FGF10: variants seen among roughly 807,000 people sequenced by gnomAD.
FGF10 encodes the protein FGF-10.
A neutral mutation model predicts 19.8 loss-of-function variants in FGF10; 2 were observed. That is an observed-to-expected ratio of 0.10 (90% CI 0.04 to 0.32). The LOEUF is 0.32. Among genes scored for constraint, FGF10 ranks in the 10% least tolerant of loss-of-function variants. FGF10 has a pLI of 1.00. For synonymous variants in FGF10, 112 were observed against 94.0 expected (o/e 1.19, Z -1.10); for missense variants, 191 against 246.3 (o/e 0.78, Z 1.50).
chr5:44,356,004 G>A (rs534687149), intron 1 of FGF10, among the ~76,000 whole-genome samples: 3 of 151,434 alleles, frequency 2.0e-5, no homozygotes, highest in South Asian at 4.2e-4. Context: ...AATAAATGAT[G>A]GGAATCTAAG....
intron 1 of FGF10, among the ~76,000 whole-genome samples, chr5:44,385,010 C>T (rs556767828): frequency 6.6e-6 from 1 of 152,236 alleles, no homozygotes; most frequent in East Asian, 1.9e-4. Flanking sequence ...GGATACCTAA[C>T]AGCTGTATCC....
intron 1 of FGF10, among the ~76,000 whole-genome samples, chr5:44,377,937 T>A (rs1741903068): frequency 6.6e-6 from 1 of 152,230 alleles, no homozygotes; most frequent in African/African-American, 2.4e-5. Context: ...TTGATGTAGG[T>A]AATCTGTGGT....
Position 44,388,715 on chromosome 5 carries a change from C to A in FGF10, c.-33G>T. 6.2e-7 allele frequency: 1 copy of A among 1,609,752 alleles called. No individual in the cohort carries two copies. Among genetic ancestry groups the A allele is most frequent in the Non-Finnish European group, 8.5e-7 (1 of 1,176,328 alleles). On this transcript the variant is annotated 5_prime_UTR_variant, in exon 1 of 3. An upstream start codon of the reference 5' UTR is lost. Coordinates refer to ENST00000264664, the MANE Select transcript of FGF10 (RefSeq NM_004465.2). The stretch of plus-strand genomic sequence containing the variant: ...AAACTCTCGGCACTGGAAATTGTCT[C>A]ATCAGAAGGAACATACTGGAAGGGT...
chr5:44,359,986 C>G (rs1315860716), intron 1 of FGF10, among the ~76,000 whole-genome samples: 1 of 151,478 alleles, frequency 6.6e-6, no homozygotes, highest in Non-Finnish European at 1.5e-5. Context: ...ACTGAATCAC[C>G]TTGGAATACC....
chr5:44,367,541 T>C (rs1195878412), intron 1 of FGF10, among the ~76,000 whole-genome samples: 7 of 152,068 alleles, frequency 4.6e-5, no homozygotes, highest in African/African-American at 1.7e-4. Context: ...GTTCAAATCC[T>C]AGTCTCATCA....
intron 1 of FGF10, among the ~76,000 whole-genome samples, chr5:44,345,191 A>C (rs1338745646): frequency 6.6e-6 from 1 of 152,028 alleles, no homozygotes; most frequent in African/African-American, 2.4e-5. Flanking sequence ...CTTGACCTTA[A>C]AAATAGTCTT....
At chr5:44,381,339 T>G (rs1741977834) in intron 1 of FGF10, among the ~76,000 whole-genome samples, 1 of 152,190 alleles carries the variant, frequency 6.6e-6, no homozygotes, top group Non-Finnish European at 1.5e-5. Context: ...ACTATCAGCT[T>G]TAGATGCTAC....
rs2111939156 is a variant in FGF10, at chr5:44,388,371, C to T, written c.312G>A (p.Glu104=). The part of the protein sequence containing the change: ...KNGKVSGTKK[E]NCPYSILEIT... ...TTTGTTACTTACTGTACGGGCAGTT[C>T]TCCTTCTTGGTCCCGCTGACCTTCC... Residue 104 remains glutamate (E), a synonymous_variant, in exon 1 of 3, where the codon GAG becomes GAA. Transcript: ENST00000264664. 6.2e-7 allele frequency: 1 copy of T among 1,613,382 alleles called. No homozygotes were observed. Among genetic ancestry groups the T allele is most frequent in the Non-Finnish European group, 8.5e-7 (1 of 1,180,004 alleles).
At chr5:44,351,435 A>G (rs1048023416) in intron 1 of FGF10, among the ~76,000 whole-genome samples, 2 of 151,600 alleles carry the variant, frequency 1.3e-5, no homozygotes, top group Admixed American at 6.6e-5. Flanking sequence ...ATCCCATTTG[A>G]TAGAATCTTT....
At chr5:44,350,559 T>C (rs1170297501) in intron 1 of FGF10, among the ~76,000 whole-genome samples, 1 of 151,138 alleles carries the variant, frequency 6.6e-6, no homozygotes, top group Admixed American at 6.6e-5. Context: ...TATAAACATA[T>C]GTATGCATAA....
At chr5:44,362,375 G>T (rs577738236) in intron 1 of FGF10, among the ~76,000 whole-genome samples, 2 of 151,502 alleles carry the variant, frequency 1.3e-5, no homozygotes, top group African/African-American at 2.4e-5. Flanking sequence ...CCTAGGCAGG[G>T]TTAACTCTTC....
At chr5:44,336,661 C>T (rs35839783) in intron 1 of FGF10, among the ~76,000 whole-genome samples, 2,116 of 152,084 alleles carry the variant, frequency 0.014, 49 homozygotes, top group African/African-American at 0.047. Context: ...TTTAAGCTTG[C>T]TAAGCCCAGT....
At chr5:44,350,988 T>C (rs1741220589) in intron 1 of FGF10, among the ~76,000 whole-genome samples, 1 of 151,464 alleles carries the variant, frequency 6.6e-6, no homozygotes, top group South Asian at 2.1e-4. Context: ...TAAAAGTACT[T>C]AAAGTAGGTA....
intron 1 of FGF10, among the ~76,000 whole-genome samples, chr5:44,368,119 A>T (rs1284776812): frequency 2.6e-5 from 4 of 152,010 alleles, no homozygotes; most frequent in Non-Finnish European, 2.9e-5. Context: ...AATGTTACTA[A>T]TTTAAAATTT....
chr5:44,348,756 A>G (rs1396660767), intron 1 of FGF10, among the ~76,000 whole-genome samples: 2 of 151,652 alleles, frequency 1.3e-5, no homozygotes, highest in African/African-American at 4.8e-5. Context: ...TCTGAAGTCC[A>G]TATTTAATTG....
rs1739945257 is a variant in FGF10, at chr5:44,300,365, A to T, written c.*4630T>A. On this transcript the variant is annotated 3_prime_UTR_variant, in exon 3 of 3. Transcript: ENST00000264664. ...GCACATACTCTTGGGATAAACTGAAAGAAACATTTATAACATCATATTGTG... is the reference window on the plus strand; with the variant it reads ...GCACATACTCTTGGGATAAACTGAATGAAACATTTATAACATCATATTGTG... Among the ~76,000 whole-genome samples, 1 of 152,162 alleles carries T rather than the reference A, an allele frequency of 6.6e-6. No homozygotes were observed. Among genetic ancestry groups the T allele is most frequent in the Non-Finnish European group, 1.5e-5 (1 of 68,034 alleles).
intron 1 of FGF10, among the ~76,000 whole-genome samples, chr5:44,320,041 C>T (rs568335762): frequency 9.9e-5 from 15 of 152,088 alleles, no homozygotes; most frequent in Non-Finnish European, 1.9e-4. Context: ...CATAGGAGCT[C>T]GAACACTATT....
At chr5:44,382,669 T>C (rs1370122436) in intron 1 of FGF10, among the ~76,000 whole-genome samples, 1 of 152,152 alleles carries the variant, frequency 6.6e-6, no homozygotes, top group Admixed American at 6.5e-5. Flanking sequence ...CTTAGATCAT[T>C]GCAATATACC....
intron 1 of FGF10, among the ~76,000 whole-genome samples, chr5:44,375,864 T>C (rs1184740077): frequency 6.6e-6 from 1 of 152,174 alleles, no homozygotes; most frequent in African/African-American, 2.4e-5. Context: ...AACTCTATAA[T>C]GTCAGTCTGG....
Sources: gnomAD v4.1 joint callset for allele counts (sites outside exome capture counted in the v4.1 genomes callset) on GRCh38, gnomAD v4.1.1 for gene constraint, MANE v1.5 for transcripts, NCBI Gene and HGNC (gene_info 2026-07-23, HGNC 2026-07-21) for gene names.